DOCK3: variants seen among roughly 807,000 people sequenced by gnomAD.
DOCK3 encodes dedicator of cytokinesis 3.
In DOCK3, 60 loss-of-function variants were observed where a neutral mutation model predicts 265.6. That is an observed-to-expected ratio of 0.23 (90% CI 0.18 to 0.28). DOCK3 has a LOEUF of 0.28. Ranked by LOEUF, DOCK3 falls within the 10% of genes least tolerant of loss-of-function variation. The pLI, the probability that DOCK3 is intolerant of heterozygous loss-of-function variation, is 1.00. For missense variants in DOCK3, 1,981 were observed against 2,594.3 expected, an observed-to-expected ratio of 0.76 and a Z score of 5.14; for synonymous variants, 881 against 938.0, an observed-to-expected ratio of 0.94 and a Z score of 1.11.
chr3:50,903,549 C>A (rs2049313457), intron 4 of DOCK3, among the ~76,000 whole-genome samples: 1 of 152,160 alleles, frequency 6.6e-6, no homozygotes, highest in African/African-American at 2.4e-5. Flanking sequence ...TTTTGATGAT[C>A]TGCTGGATTC....
chr3:51,089,136 G>C (rs1239558212), intron 7 of DOCK3, 107 bp from the exon 8 acceptor site: 4 of 1,113,984 alleles, frequency 3.6e-6, no homozygotes, highest in Non-Finnish European at 5.2e-6. Flanking sequence ...AATTAAATGA[G>C]ATCATGAATA....
chr3:51,003,210 T>G (rs1036600625), intron 5 of DOCK3, among the ~76,000 whole-genome samples: 38 of 152,328 alleles, frequency 2.5e-4, no homozygotes, highest in African/African-American at 8.9e-4. Flanking sequence ...CAAATAGATC[T>G]CAGTGATTCT....
chr3:50,873,854 T>G (rs1045696443), intron 3 of DOCK3, among the ~76,000 whole-genome samples: 6 of 152,168 alleles, frequency 3.9e-5, no homozygotes, highest in Non-Finnish European at 8.8e-5. Flanking sequence ...CCTCCCAATT[T>G]CCGCGCTGTT....
chr3:50,881,014 C>T (rs2047992747), intron 3 of DOCK3, among the ~76,000 whole-genome samples: 1 of 152,126 alleles, frequency 6.6e-6, no homozygotes, highest in Non-Finnish European at 1.5e-5. Context: ...TAAACAGAAC[C>T]AAAGACAAAA....
chr3:51,220,707 G>GTATATATA (rs1480666363), intron 14 of DOCK3, among the ~76,000 whole-genome samples: 3 of 130,418 alleles, frequency 2.3e-5, no homozygotes, highest in South Asian at 4.6e-4. Flanking sequence ...GTGTGTGTGT[G>GTATATATA]TGTATATATA....
intron 49 of DOCK3, among the ~76,000 whole-genome samples, chr3:51,365,742 A>G (rs532484776): frequency 9.2e-5 from 14 of 152,336 alleles, no homozygotes; most frequent in African/African-American, 2.6e-4. Flanking sequence ...CTATTGAGAT[A>G]GTCATGTGGT....
At chr3:51,132,299 T>A (rs1012154418) in intron 9 of DOCK3, among the ~76,000 whole-genome samples, 2 of 152,120 alleles carry the variant, frequency 1.3e-5, no homozygotes, top group Admixed American at 6.5e-5. Context: ...TTCTCCAGAT[T>A]TCTGTTTATA....
chr3:51,247,811 G>C (rs575015341), intron 22 of DOCK3, among the ~76,000 whole-genome samples: 9 of 152,280 alleles, frequency 5.9e-5, no homozygotes, highest in Admixed American at 4.6e-4. Context: ...TATCCTAAGG[G>C]GAGGCACGAA....
chr3:51,228,646 C>T lies in DOCK3; in HGVS notation c.1648-15C>T, dbSNP rs1353898159. The T allele has an allele frequency of 1.3e-5, 21 of 1,600,946 alleles. No individual in the cohort carries two copies. Among genetic ancestry groups the T allele is most frequent in the Admixed American group, 8.7e-5 (5 of 57,242 alleles). On this transcript the variant is annotated splice_polypyrimidine_tract_variant and intron_variant, in intron 17 of 52. Coordinates refer to ENST00000266037, the MANE Select transcript of DOCK3 (RefSeq NM_004947.5). ...ATGGCTCAGGGGACATTTTTTTCTCCATTTTTGCCTACAGTGTGATGAGAA... is the reference window on the plus strand; with the variant it reads ...ATGGCTCAGGGGACATTTTTTTCTCTATTTTTGCCTACAGTGTGATGAGAA...
rs1191318050 is a variant in DOCK3 at position 50,796,126 on chromosome 3, C to T, written c.121+17368C>T. On this transcript the variant is annotated intron_variant, in intron 2 of 52. Coordinates refer to ENST00000266037, the MANE Select transcript of DOCK3 (RefSeq NM_004947.5). ...TGTGATTTTGGCTAACTGCAAGCTC[C>T]GCCTCCTGGGTTCACGCCATTCTCC... Among the ~76,000 whole-genome samples, 6 of 151,386 alleles carry T rather than the reference C, an allele frequency of 4.0e-5. 1 individual carries two copies. The highest frequency in any genetic ancestry group is 6.6e-5 in the Admixed American group (1 of 15,210).
chr3:51,290,965 G>A (rs571768662), intron 27 of DOCK3, among the ~76,000 whole-genome samples: 1 of 152,080 alleles, frequency 6.6e-6, no homozygotes, highest in African/African-American at 2.4e-5. Flanking sequence ...GTAATCCCAG[G>A]TACTTGGGAG....
chr3:50,735,219 C>T (rs1481888343), intron 1 of DOCK3, among the ~76,000 whole-genome samples: 1 of 152,162 alleles, frequency 6.6e-6, no homozygotes, highest in African/African-American at 2.4e-5. Context: ...TGAGTGCTCT[C>T]ATGTTGCTTT....
chr3:51,191,137 TC>T (rs1019331936), intron 12 of DOCK3, among the ~76,000 whole-genome samples: 6 of 151,738 alleles, frequency 4.0e-5, no homozygotes, highest in Admixed American at 2.0e-4. Flanking sequence ...CTATAAATCT[TC>T]CCTGTGGAGA....
rs2045924849 is a variant in DOCK3 at position 50,843,224 on chromosome 3, C to T, written c.162+1509C>T. Among the ~76,000 whole-genome samples, 8 of 152,158 alleles carry T rather than the reference C, an allele frequency of 5.3e-5. No homozygotes were observed. In the South Asian group the frequency reaches 1.7e-3, roughly 32 times the overall value. On this transcript the variant is annotated intron_variant, in intron 3 of 52. Transcript: ENST00000266037. ...TGACTTGACTGGGTCAGCTGGGTAG[C>T]CAGTTATTCTGGGATGTGTGAGGTT...
At chr3:51,342,328 G>A (rs2085295289) in intron 38 of DOCK3, among the ~76,000 whole-genome samples, 1 of 152,214 alleles carries the variant, frequency 6.6e-6, no homozygotes, top group Non-Finnish European at 1.5e-5. Flanking sequence ...CTTTCCAAAA[G>A]CGCAGAAACT....
intron 1 of DOCK3, among the ~76,000 whole-genome samples, chr3:50,708,482 G>C (rs1009994649): frequency 6.6e-6 from 1 of 152,194 alleles, no homozygotes; most frequent in Non-Finnish European, 1.5e-5. Context: ...GGGCTTTAGG[G>C]ATGTGGTTGT....
At chr3:50,705,271 T>C (rs1457594418) in intron 1 of DOCK3, among the ~76,000 whole-genome samples, 2 of 152,148 alleles carry the variant, frequency 1.3e-5, no homozygotes, top group African/African-American at 2.4e-5. Flanking sequence ...AAATCTCATC[T>C]TGAACTGTAA....
chr3:50,948,776 G>T (rs982410805), intron 5 of DOCK3, among the ~76,000 whole-genome samples: 1 of 152,038 alleles, frequency 6.6e-6, no homozygotes, highest in African/African-American at 2.4e-5. Flanking sequence ...ACCACGTCCA[G>T]CCTGATGAGT....
chr3:51,296,537 C>T (rs1329677460), intron 27 of DOCK3, among the ~76,000 whole-genome samples: 8 of 148,182 alleles, frequency 5.4e-5, no homozygotes, highest in Middle Eastern at 3.5e-3. Context: ...AGTGCAGTGG[C>T]GCGATCTCGG....
Sources: allele counts gnomAD v4.1 joint callset (sites outside exome capture counted in the v4.1 genomes callset), GRCh38; gene constraint gnomAD v4.1.1; transcripts MANE v1.5; gene names NCBI Gene and HGNC (gene_info 2026-07-23, HGNC 2026-07-21).